DPRX: variants seen among roughly 807,000 people sequenced by gnomAD.
DPRX encodes the protein divergent-paired related homeobox, also known as divergent paired-related homeobox.
A neutral mutation model predicts 8.4 loss-of-function variants in DPRX; 11 were observed. The ratio of observed to expected loss-of-function variants is 1.31; its 90% CI spans 0.82 to 2.17. The LOEUF (loss-of-function observed/expected upper bound fraction) is 2.17. Among genes scored for constraint, DPRX ranks in the 30% most tolerant of loss-of-function variants. The pLI, the probability that DPRX is intolerant of heterozygous loss-of-function variation, is 0.00. For synonymous variants in DPRX, 72 were observed against 87.0 expected (o/e 0.83, Z 0.96); for missense variants, 211 against 236.7 (o/e 0.89, Z 0.71).
upstream of DPRX, among the ~76,000 whole-genome samples, chr19:53,627,497 C>T (rs1159547364): frequency 2.1e-5 from 3 of 143,980 alleles, no homozygotes; most frequent in South Asian, 2.2e-4. Flanking sequence ...AGTGCAATGG[C>T]GTGATCTTGG....
chr19:53,614,476 AT>A, the DPRX span, among the ~76,000 whole-genome samples: 2 of 152,146 alleles, frequency 1.3e-5, no homozygotes, highest in East Asian at 3.9e-4. Context: ...AGGTGGAAGA[AT>A]TACTTGAGAC....
At chr19:53,613,967 T>G in the DPRX span, among the ~76,000 whole-genome samples, 2 of 151,878 alleles carry the variant, frequency 1.3e-5, no homozygotes, top group African/African-American at 4.8e-5. Flanking sequence ...GTTTTTTTTT[T>G]TTGAGACAAA....
At chr19:53,624,148 C>T in the DPRX span, among the ~76,000 whole-genome samples, 6 of 124,364 alleles carry the variant, frequency 4.8e-5, no homozygotes, top group East Asian at 2.4e-4. Context: ...AGTGCAGTGG[C>T]GCAATCTCGA....
chr19:53,609,064 A>G, the DPRX span, among the ~76,000 whole-genome samples: 2 of 152,058 alleles, frequency 1.3e-5, no homozygotes, highest in African/African-American at 4.8e-5. Flanking sequence ...AAGAGCTCAA[A>G]TAGCAAAAGG....
At chr19:53,624,841 A>AAAAAAG in the DPRX span, among the ~76,000 whole-genome samples, 12 of 142,350 alleles carry the variant, frequency 8.4e-5, no homozygotes, top group African/African-American at 2.8e-4. Context: ...AAAAAAAAAA[A>AAAAAAG]AAAGAAAGAA....
chr19:53,636,724 A>T, exon 3 of DPRX: 5 of 1,614,166 alleles, frequency 3.1e-6, no homozygotes, highest in Non-Finnish European at 4.2e-6. Context: ...TGAGAAATGC[A>T]GACACACTAC....
At chr19:53,636,778 G>A (rs141641052) in exon 3 of DPRX, 202 of 1,614,024 alleles carry the variant, frequency 1.3e-4, no homozygotes, top group African/African-American at 6.1e-4. Flanking sequence ...TGGTGTACAC[G>A]GGTCATCGAG....
At chr19:53,601,813 G>A in the DPRX span, among the ~76,000 whole-genome samples, 1 of 152,060 alleles carries the variant, frequency 6.6e-6, no homozygotes, top group Non-Finnish European at 1.5e-5. Context: ...ATTCCATTGG[G>A]TGTTCTGGAA....
upstream of DPRX, chr19:53,631,978 G>A: frequency 7.8e-7 from 1 of 1,281,244 alleles, no homozygotes; most frequent in Non-Finnish European, 1.1e-6. Flanking sequence ...ATTGGAGGCA[G>A]ATAGGGCAGA....
chr19:53,609,453 C>T, the DPRX span, among the ~76,000 whole-genome samples: 16 of 105,246 alleles, frequency 1.5e-4, no homozygotes, highest in African/African-American at 5.7e-4. Context: ...GGCGACAGAG[C>T]GAGACTCGGT....
chr19:53,603,498 AC>A, the DPRX span: 1 of 426,050 alleles, frequency 2.3e-6, no homozygotes, highest in Non-Finnish European at 4.8e-6. Context: ...CATCTCAACT[AC>A]TTCCTCCTTC....
At chr19:53,631,245 C>T (rs12974964), upstream of DPRX, among the ~76,000 whole-genome samples, 49,445 of 150,806 alleles carry the variant, frequency 0.33, 8,283 homozygotes, top group East Asian at 0.47. Context: ...GAGCCGAGAT[C>T]GTGCCACTGC....
chr19:53,617,039 T>C, the DPRX span: 10 of 1,230,290 alleles, frequency 8.1e-6, no homozygotes, highest in South Asian at 1.2e-5. Flanking sequence ...GCCTACAGAG[T>C]AAGTGGACAA....
chr19:53,634,728 C>A, intron 2 of DPRX, 43 bp downstream of exon 2: 1 of 1,586,964 alleles, frequency 6.3e-7, no homozygotes, highest in South Asian at 1.2e-5. Flanking sequence ...CCTTCCTGAT[C>A]TAATCTAAAT....
the DPRX span, among the ~76,000 whole-genome samples, chr19:53,622,492 T>TC: frequency 6.6e-6 from 1 of 152,112 alleles, no homozygotes; most frequent in Non-Finnish European, 1.5e-5. Flanking sequence ...GATTCTACCC[T>TC]CCCTTGGTGT....
At chr19:53,603,402 A>T in the DPRX span, 1 of 456,432 alleles carries the variant, frequency 2.2e-6, no homozygotes. Flanking sequence ...CGGGGTGGGG[A>T]TGGTGCTGAC....
the DPRX span, among the ~76,000 whole-genome samples, chr19:53,612,714 A>C: frequency 1.3e-5 from 2 of 152,154 alleles, no homozygotes; most frequent in African/African-American, 4.8e-5. Flanking sequence ...CTCAAAAAGA[A>C]AAAAAGAAAA....
the DPRX span, among the ~76,000 whole-genome samples, chr19:53,610,050 C>A: frequency 6.7e-6 from 1 of 148,372 alleles, no homozygotes; most frequent in Non-Finnish European, 1.5e-5. Context: ...ACTTGGGAGG[C>A]TGAGTGAGGA....
At chr19:53,618,124 CAG>C in the DPRX span, among the ~76,000 whole-genome samples, 7,083 of 145,304 alleles carry the variant, frequency 0.049, 612 homozygotes, top group African/African-American at 0.17. Context: ...GCCTGGGCGA[CAG>C]AGCGAGACTC....
Sources: allele counts gnomAD v4.1 joint callset (sites outside exome capture counted in the v4.1 genomes callset), GRCh38; gene constraint gnomAD v4.1.1; transcripts MANE v1.5; gene names NCBI Gene and HGNC (gene_info 2026-07-23, HGNC 2026-07-21).